Variants in WWTR1 observed in about 807,000 individuals in gnomAD.
WWTR1 encodes the protein WW domain-containing transcription regulator protein 1.
Under a neutral mutation model 40.1 loss-of-function variants are expected in WWTR1, and 13 were observed. The ratio of observed to expected loss-of-function variants is 0.32; its 90% CI spans 0.21 to 0.52. The LOEUF (loss-of-function observed/expected upper bound fraction) is 0.52. Among genes scored for constraint, WWTR1 ranks in the 20% least tolerant of loss-of-function variants. The pLI is 0.97. For synonymous variants in WWTR1, 230 were observed against 210.1 expected (o/e 1.09, Z -0.82); for missense variants, 436 against 523.1 (o/e 0.83, Z 1.63).
chr3:149,593,384 C>T (rs1401988406), intron 2 of WWTR1, among the ~76,000 whole-genome samples: 3 of 148,892 alleles, frequency 2.0e-5, no homozygotes, highest in Non-Finnish European at 4.4e-5. Context: ...TCTTAGTTTT[C>T]TTTCTTTTTT....
At chr3:149,643,186 C>T (rs1313029951) in intron 2 of WWTR1, among the ~76,000 whole-genome samples, 1 of 152,132 alleles carries the variant, frequency 6.6e-6, no homozygotes, top group Non-Finnish European at 1.5e-5. Context: ...AATCTGAGTC[C>T]CCTTTGCCAG....
chr3:149,569,058 G>C (rs1036523005), intron 3 of WWTR1, among the ~76,000 whole-genome samples: 6 of 151,718 alleles, frequency 4.0e-5, no homozygotes, highest in African/African-American at 1.5e-4. Context: ...GAGCCACCGC[G>C]CCCGGCATCT....
intron 5 of WWTR1, among the ~76,000 whole-genome samples, chr3:149,716,842 G>A (rs758361869): frequency 1.3e-5 from 2 of 151,924 alleles, no homozygotes; most frequent in African/African-American, 2.4e-5. Flanking sequence ...GATCTACAGA[G>A]AAATCATAAG....
chr3:149,538,296 C>A (rs1428265889), intron 4 of WWTR1, among the ~76,000 whole-genome samples: 6 of 152,050 alleles, frequency 3.9e-5, no homozygotes, highest in Non-Finnish European at 8.8e-5. Flanking sequence ...GAAGAGAAAG[C>A]AAAACTTCAA....
At chr3:149,653,896 A>T (rs976631691) in intron 2 of WWTR1, among the ~76,000 whole-genome samples, 29 of 152,268 alleles carry the variant, frequency 1.9e-4, no homozygotes, top group Admixed American at 5.2e-4. Flanking sequence ...ACTAAACTAA[A>T]CAAAATTGAC....
At chr3:149,672,758 G>A (rs751167587) in intron 1 of WWTR1, among the ~76,000 whole-genome samples, 4 of 150,112 alleles carry the variant, frequency 2.7e-5, no homozygotes, top group Non-Finnish European at 5.9e-5. Context: ...TAAGAGGATG[G>A]ATGGTAATGG....
chr3:149,601,560 C>T (rs1328461725), intron 2 of WWTR1, among the ~76,000 whole-genome samples: 1 of 152,196 alleles, frequency 6.6e-6, no homozygotes, highest in East Asian at 1.9e-4. Flanking sequence ...TTCTCCTTTT[C>T]TTGAAACTAC....
chr3:149,683,510 A>AAAAATAC (rs1714529433), intron 1 of WWTR1, among the ~76,000 whole-genome samples: 2 of 152,142 alleles, frequency 1.3e-5, no homozygotes, highest in Non-Finnish European at 2.9e-5. Context: ...CCTGGCCAAC[A>AAAAATAC]TGGTGAAACC....
chr3:149,698,085 T>C (rs1215983063), intron 1 of WWTR1, among the ~76,000 whole-genome samples: 2 of 152,224 alleles, frequency 1.3e-5, no homozygotes, highest in Non-Finnish European at 2.9e-5. Flanking sequence ...AGTACTTGCA[T>C]GTTTTCCAGG....
At chr3:149,670,761 T>C (rs942879363) in intron 1 of WWTR1, 3 of 152,248 alleles carry the variant, frequency 2.0e-5, no homozygotes, top group African/African-American at 7.2e-5. Flanking sequence ...TCTCTTTTTT[T>C]ACTCACTGCC....
rs145992927 is a variant in WWTR1 at position 149,690,130 on chromosome 3, A to G, written c.-108+12994T>C. ...CCTTGAATTAAAAAACCCACAACAG[A>G]TATGCAAAAAATAAAAAGCAAGAAA... On this transcript the variant is annotated intron_variant, in intron 1 of 7. Coordinates refer to the WWTR1 transcript ENST00000465804. Among the ~76,000 whole-genome samples, 805 of 152,314 alleles carry G rather than the reference A, an allele frequency of 5.3e-3. 5 individuals carry two copies. The highest frequency in any genetic ancestry group is 0.017 in the Middle Eastern group (5 of 294).
At chr3:149,609,261 T>G (rs1030406951) in intron 2 of WWTR1, among the ~76,000 whole-genome samples, 2 of 152,084 alleles carry the variant, frequency 1.3e-5, no homozygotes, top group African/African-American at 4.8e-5. Context: ...GAAATTTTCT[T>G]CACAAGTTTG....
At chr3:149,640,376 C>A (rs1254755370) in intron 2 of WWTR1, among the ~76,000 whole-genome samples, 1 of 152,014 alleles carries the variant, frequency 6.6e-6, no homozygotes, top group Non-Finnish European at 1.5e-5. Context: ...TTTCATAAAC[C>A]AATGCTTTTG....
intron 2 of WWTR1, among the ~76,000 whole-genome samples, chr3:149,617,974 G>T (rs2108079407): frequency 6.6e-6 from 1 of 152,240 alleles, no homozygotes; most frequent in South Asian, 2.1e-4. Flanking sequence ...GAAAAATCTG[G>T]AAGGATGTAT....
At chr3:149,705,316 A>C (rs1256329916), upstream of WWTR1, among the ~76,000 whole-genome samples, 2 of 152,256 alleles carry the variant, frequency 1.3e-5, no homozygotes, top group Admixed American at 1.3e-4. Flanking sequence ...ATACCTAGAC[A>C]ATGGATGAAA....
intron 2 of WWTR1, among the ~76,000 whole-genome samples, chr3:149,597,993 C>T (rs1215598551): frequency 6.6e-6 from 1 of 152,224 alleles, no homozygotes; most frequent in Admixed American, 6.5e-5. Flanking sequence ...ATCTGCTTCA[C>T]TCAAAACAAG....
At chr3:149,605,045 T>G (rs967742944) in intron 2 of WWTR1, among the ~76,000 whole-genome samples, 3 of 152,172 alleles carry the variant, frequency 2.0e-5, no homozygotes, top group African/African-American at 7.2e-5. Context: ...AACAAGTAAT[T>G]TAGACAGAAG....
Position 149,588,574 on chromosome 3 carries a change from T to C in WWTR1, c.432-15574A>G, listed in dbSNP as rs1296370258. Among the ~76,000 whole-genome samples, 5 of 152,210 alleles carry C rather than the reference T, an allele frequency of 3.3e-5. No individual in the cohort carries two copies. The East Asian group carries it at 7.7e-4, about 23-fold the overall frequency. On this transcript the variant is annotated intron_variant, in intron 2 of 6. Coordinates refer to ENST00000360632, the MANE Select transcript of WWTR1 (RefSeq NM_015472.6). Reference sequence around the variant, plus strand: ...ATAAATTACATGGATCTGTATTTGCTAAAATATATTGTGGGAGTGAACATA... The same window carrying C: ...ATAAATTACATGGATCTGTATTTGCCAAAATATATTGTGGGAGTGAACATA...
Position 149,694,698 on chromosome 3 carries a change from C to A in WWTR1, c.-108+8426G>T, listed in dbSNP as rs147662551. On this transcript the variant is annotated intron_variant, in intron 1 of 7. Transcript: ENST00000465804. ...TGCAAGGATGCAGAGAAACGAGAAC[C>A]CTCATACACTGTTGGTGAGAATGTA... is the stretch of plus-strand genomic sequence containing the variant. Among the ~76,000 whole-genome samples, 980 of 152,276 alleles carry A rather than the reference C, an allele frequency of 6.4e-3. 12 individuals are homozygous for A. Among genetic ancestry groups the A allele is most frequent in the African/African-American group, 0.022 (895 of 41,548 alleles).
Sources: gnomAD v4.1 joint callset for allele counts (sites outside exome capture counted in the v4.1 genomes callset) on GRCh38, gnomAD v4.1.1 for gene constraint, MANE v1.5 for transcripts, NCBI Gene and HGNC (gene_info 2026-07-23, HGNC 2026-07-21) for gene names.